Variants in MTTP observed in about 807,000 individuals in gnomAD.
The protein encoded by MTTP is microsomal triglyceride transfer protein, also known as microsomal triglyceride transfer protein large subunit.
Under a neutral mutation model 90.6 loss-of-function variants are expected in MTTP, and 49 were observed. That is an observed-to-expected ratio of 0.54 (90% CI 0.43 to 0.69). The LOEUF is 0.69. Among genes scored for constraint, MTTP ranks in the 30% least tolerant of loss-of-function variants. The pLI is 0.00. For synonymous variants in MTTP, 347 were observed against 384.2 expected (o/e 0.90, Z 1.13); for missense variants, 945 against 1,067.5 (o/e 0.89, Z 1.60).
intron 8 of MTTP, among the ~76,000 whole-genome samples, chr4:99,599,953 G>T (rs1472254801): frequency 6.6e-6 from 1 of 152,114 alleles, no homozygotes; most frequent in Admixed American, 6.5e-5. Flanking sequence ...AAAAGCCAAA[G>T]ATTTTTGATG....
At chr4:99,606,386 T>C (rs1002898881) in intron 10 of MTTP, among the ~76,000 whole-genome samples, 3 of 152,196 alleles carry the variant, frequency 2.0e-5, no homozygotes, top group Admixed American at 2.0e-4. Context: ...ATGGTGACAC[T>C]AAGACTCCAT....
chr4:99,588,719 A>G (rs1030547235), intron 3 of MTTP, among the ~76,000 whole-genome samples: 4 of 105,708 alleles, frequency 3.8e-5, no homozygotes, highest in Non-Finnish European at 5.6e-5. Flanking sequence ...ATATATGTTC[A>G]TATATATACA....
chr4:99,578,135 C>T (rs1488113138), intron 1 of MTTP, among the ~76,000 whole-genome samples: 1 of 152,158 alleles, frequency 6.6e-6, no homozygotes, highest in African/African-American at 2.4e-5. Context: ...AGTGATTGTA[C>T]TCATATAAAT....
rs112506924 is a variant in MTTP at position 99,608,939 on chromosome 4, C to T, written c.1731C>T (p.Ala577=). Residue 577 remains alanine (A), a synonymous_variant, in exon 12 of 18, where the codon GCC becomes GCT. Coordinates refer to ENST00000265517, the MANE Select transcript of MTTP (RefSeq NM_001386140.1). ...AAGAAATGAATAAATACATGCTCGC[C>T]ATTGTTCAAGACATCCTACGTTTTG... ...LPQEMNKYML[A]IVQDILRFEM... The T allele has an allele frequency of 4.7e-4, 753 of 1,614,104 alleles. 4 individuals are homozygous for T. In the African/African-American group the frequency reaches 9.2e-3, roughly 20 times the overall value.
intron 9 of MTTP, 97 bp downstream of exon 9, chr4:99,600,830 C>T: frequency 8.7e-7 from 1 of 1,149,540 alleles, no homozygotes; most frequent in Admixed American, 2.2e-5. Context: ...TGAAGGCTAT[C>T]AACTAGAGAC....
At chr4:99,584,845 C>T (rs945507635) in intron 3 of MTTP, among the ~76,000 whole-genome samples, 4 of 152,220 alleles carry the variant, frequency 2.6e-5, no homozygotes, top group Admixed American at 6.5e-5. Context: ...TCCCCTTCAC[C>T]TCCATGCCCT....
chr4:99,564,945 A>G (rs1432207998), intron 1 of MTTP, among the ~76,000 whole-genome samples: 6 of 152,214 alleles, frequency 3.9e-5, no homozygotes, highest in Non-Finnish European at 8.8e-5. Context: ...TACTTGAAAC[A>G]CTGTATCAGC....
chr4:99,583,444 C>A lies in MTTP; in HGVS notation c.320C>A (p.Pro107Gln). 6.2e-7 allele frequency: 1 copy of A among 1,613,488 alleles called. No homozygotes were observed. The highest frequency in any genetic ancestry group is 8.5e-7 in the Non-Finnish European group (1 of 1,179,734). ...AAGAGCATCTTCAAAGGAAAAAGCC[C>A]ATCTAAAATAATGGGAAAGGAAAAC... The part of the protein sequence containing the change: ...GEKSIFKGKS[P>Q]SKIMGKENLE... Residue 107 changes from proline (P) to glutamine (Q), a missense_variant, in exon 3 of 18, where the codon CCA (proline) becomes CAA (glutamine). By Grantham distance (76) the Pro-to-Gln change is moderately conservative (BLOSUM62 -1). Coordinates refer to ENST00000265517, the MANE Select transcript of MTTP (RefSeq NM_001386140.1).
In MTTP at chr4:99,595,521, CTT is replaced by C. The variant is rs2110221180; in HGVS notation, c.909+639_909+640del. 1.9e-5 allele frequency: 3 copies of C among 157,454 alleles called. No individual in the cohort carries two copies. In the South Asian group the frequency reaches 5.7e-4, roughly 30 times the overall value. 9.8% of individuals were successfully genotyped at this position (157,454 alleles called of 1,614,324 possible). A position where few individuals can be genotyped will look rare whatever the true frequency, so the allele number is the denominator to read the frequency against. On this transcript the variant is annotated intron_variant, in intron 7 of 17. Coordinates refer to ENST00000265517, the MANE Select transcript of MTTP (RefSeq NM_001386140.1). Reference sequence around the variant, plus strand: ...CCCAGCATTTCCTTATCTGTAATCTCTTGTCAGAAGAGCAAACCATTGGCTTC... The same window carrying C: ...CCCAGCATTTCCTTATCTGTAATCTCGTCAGAAGAGCAAACCATTGGCTTC...
At position 99,613,037 on chromosome 4, in the gene MTTP, C is replaced by G. The variant is rs1349748924; in HGVS notation, c.2114C>G (p.Thr705Ser). The G allele has an allele frequency of 6.2e-7, 1 of 1,613,966 alleles. No individual in the cohort carries two copies. Among genetic ancestry groups the G allele is most frequent in the Non-Finnish European group, 8.5e-7 (1 of 1,179,980 alleles). The change falls in exon 15 of 18, where the codon ACC becomes AGC. Residue 705 changes from threonine to serine, a missense_variant. Transcript: ENST00000265517. ...ILFDVQLRPV[T>S]FFNGYSDLMS... Reference sequence around the variant, plus strand: ...TTTGATGTTCAGCTCAGACCTGTCACCTTTTTCAACGGATACAGTGATTTG... The same window carrying G: ...TTTGATGTTCAGCTCAGACCTGTCAGCTTTTTCAACGGATACAGTGATTTG...
At chr4:99,610,263 G>A (rs1455131688) in intron 12 of MTTP, among the ~76,000 whole-genome samples, 1 of 152,064 alleles carries the variant, frequency 6.6e-6, no homozygotes, top group Non-Finnish European at 1.5e-5. Flanking sequence ...CTTCCTATTG[G>A]CTCTGGTTTT....
chr4:99,606,857 G>C lies in MTTP; in HGVS notation c.1454G>C (p.Gly485Ala). Residue 485 changes from glycine to alanine, a missense_variant, in exon 11 of 18, where the codon GGC becomes GCC. By Grantham distance (60) the Gly-to-Ala change is moderately conservative (BLOSUM62 0). Coordinates refer to ENST00000265517, the MANE Select transcript of MTTP (RefSeq NM_001386140.1). ...LALKNALLPE[G>A]IPSLLKYAEA... Reference sequence around the variant, plus strand: ...TTGAAGAATGCCCTGCTTCCAGAAGGCATCCCAAGTCTTCTGAAGTATGCA... The same window carrying C: ...TTGAAGAATGCCCTGCTTCCAGAAGCCATCCCAAGTCTTCTGAAGTATGCA... The C allele has an allele frequency of 1.9e-6, 3 of 1,614,064 alleles. No individual in the cohort carries two copies. The highest frequency in any genetic ancestry group is 2.5e-6 in the Non-Finnish European group (3 of 1,179,970).
chr4:99,600,541 C>A (rs1394043522), intron 8 of MTTP, 24 bp from the exon 9 acceptor site: 1 of 1,608,974 alleles, frequency 6.2e-7, no homozygotes, highest in Non-Finnish European at 8.5e-7. Context: ...ACATTGATAT[C>A]CATGATTATG....
chr4:99,600,244 C>T (rs534344902), intron 8 of MTTP, among the ~76,000 whole-genome samples: 1 of 152,186 alleles, frequency 6.6e-6, no homozygotes, highest in African/African-American at 2.4e-5. Context: ...AGAATTTGAA[C>T]TTAATTTATA....
intron 3 of MTTP, 30 bp downstream of exon 3, chr4:99,583,547 T>G: frequency 1.2e-6 from 2 of 1,613,010 alleles, no homozygotes; most frequent in South Asian, 2.2e-5. Context: ...CCACAACTTT[T>G]TCTCCAACTT....
chr4:99,569,315 G>A (rs1724781602), intron 1 of MTTP, among the ~76,000 whole-genome samples: 1 of 152,014 alleles, frequency 6.6e-6, no homozygotes, highest in African/African-American at 2.4e-5. Context: ...TTACAGCCAA[G>A]AGGAGCCTAA....
Position 99,594,804 on chromosome 4 carries a change from T to A in MTTP, c.830T>A (p.Ile277Asn). 1 of 1,614,062 alleles carries A rather than the reference T, an allele frequency of 6.2e-7. No individual in the cohort carries two copies. The highest frequency in any genetic ancestry group is 1.1e-5 in the South Asian group (1 of 91,086). The change falls in exon 7 of 18, where the codon ATC becomes AAC. Residue 277 changes from isoleucine to asparagine, a missense_variant. Physicochemically the swap from Ile to Asn is moderately radical, Grantham distance 149 (BLOSUM62 -3). Transcript: ENST00000265517. ...TCTGGAAAGCAGGCTGCAGCCATAA[T>A]CAAAGCAGTTGATTCAAAGTACACG... is the stretch of plus-strand genomic sequence containing the variant. ...LMSGKQAAAI[I>N]KAVDSKYTAI...
upstream of MTTP, among the ~76,000 whole-genome samples, chr4:99,572,146 A>G (rs1290897362): frequency 6.6e-6 from 1 of 151,990 alleles, no homozygotes; most frequent in East Asian, 1.9e-4. Context: ...TTTATTTCAT[A>G]GTCTCCTTAT....
rs201722396 is a variant in MTTP, at chr4:99,583,526, G to A, written c.393+9G>A. ...ATCTAATCCATGGAAAGGTAAAGGG[G>A]CGTTTAGATTCCACAACTTTTTCTC... is the stretch of plus-strand genomic sequence containing the variant. On this transcript the variant is annotated intron_variant, in intron 3 of 17. Transcript: ENST00000265517. 1 of 1,613,484 alleles carries A rather than the reference G, an allele frequency of 6.2e-7. No individual in the cohort carries two copies. The highest frequency in any genetic ancestry group is 8.5e-7 in the Non-Finnish European group (1 of 1,179,778).
Sources: gnomAD v4.1 joint callset for allele counts (sites outside exome capture counted in the v4.1 genomes callset) on GRCh38, gnomAD v4.1.1 for gene constraint, MANE v1.5 for transcripts, NCBI Gene and HGNC (gene_info 2026-07-23, HGNC 2026-07-21) for gene names.